Variants in KATNIP observed in about 807,000 individuals in gnomAD.
KATNIP encodes katanin-interacting protein.
Under a neutral mutation model 174.0 loss-of-function variants are expected in KATNIP, and 126 were observed. That is an observed-to-expected ratio of 0.72 (90% CI 0.63 to 0.84). The LOEUF (loss-of-function observed/expected upper bound fraction) is 0.84, where lower values mean the gene tolerates loss of function less well. Among genes scored for constraint, KATNIP ranks in the 40% least tolerant of loss-of-function variants. The pLI is 0.00. For synonymous variants in KATNIP, 810 were observed against 835.7 expected (o/e 0.97, Z 0.53); for missense variants, 1,958 against 2,109.7 (o/e 0.93, Z 1.41).
chr16:27,712,284 C>G (rs1248705609), intron 13 of KATNIP, among the ~76,000 whole-genome samples: 1 of 152,162 alleles, frequency 6.6e-6, no homozygotes, highest in Non-Finnish European at 1.5e-5. Flanking sequence ...CCCCCTTCTT[C>G]CCTGACGTGG....
chr16:27,624,667 A>G (rs1447485809), intron 3 of KATNIP, among the ~76,000 whole-genome samples: 6 of 152,014 alleles, frequency 3.9e-5, no homozygotes, highest in Admixed American at 1.3e-4. Context: ...AAAAAATACA[A>G]AAATTAGCCG....
intron 14 of KATNIP, among the ~76,000 whole-genome samples, chr16:27,732,798 C>A (rs988837794): frequency 2.0e-5 from 3 of 152,358 alleles, no homozygotes; most frequent in Middle Eastern, 3.4e-3. Context: ...TGGCCCAGAA[C>A]CCCTGGCTCC....
intron 2 of KATNIP, among the ~76,000 whole-genome samples, chr16:27,596,131 G>C (rs2075327636): frequency 6.6e-6 from 1 of 152,062 alleles, no homozygotes; most frequent in South Asian, 2.1e-4. Flanking sequence ...GCATTCCCTG[G>C]CCATGTGGGG....
chr16:27,769,769 C>A, intron 20 of KATNIP, 92 bp from the exon 21 acceptor site: 2 of 1,479,530 alleles, frequency 1.4e-6, no homozygotes, highest in South Asian at 1.2e-5. Context: ...CCATGGTGAG[C>A]ACAGCTGCCA....
At chr16:27,703,281 G>A (rs1458220500) in intron 11 of KATNIP, among the ~76,000 whole-genome samples, 1 of 152,182 alleles carries the variant, frequency 6.6e-6, no homozygotes, top group African/African-American at 2.4e-5. Flanking sequence ...TCGGCATCGA[G>A]ATCCTTTGTG....
At chr16:27,747,516 A>G (rs2081335776) in intron 15 of KATNIP, among the ~76,000 whole-genome samples, 1 of 152,134 alleles carries the variant, frequency 6.6e-6, no homozygotes, top group Non-Finnish European at 1.5e-5. Flanking sequence ...GTAGCAAGAT[A>G]GTCTTTGGCA....
chr16:27,706,144 A>AAGCTCAGTCCCACCCCCTGG (rs533885132), intron 12 of KATNIP, among the ~76,000 whole-genome samples: 1,735 of 152,136 alleles, frequency 0.011, 42 homozygotes, highest in African/African-American at 0.039. Context: ...GCACAGTGGA[A>AAGCTCAGTCCCACCCCCTGG]AGCTCAGTCC....
chr16:27,699,362 A>G (rs553816272), intron 9 of KATNIP, 172 bp from the exon 10 acceptor site: 336 of 800,872 alleles, frequency 4.2e-4, no homozygotes, highest in Non-Finnish European at 5.0e-4. Flanking sequence ...TGGGGCATCC[A>G]TCGAGCAGCA....
chr16:27,585,291 C>T (rs561143418), intron 2 of KATNIP, among the ~76,000 whole-genome samples: 2 of 148,514 alleles, frequency 1.3e-5, no homozygotes, highest in Admixed American at 1.3e-4. Context: ...CAAATACTGG[C>T]GAGGATACAG....
At chr16:27,717,339 G>A (rs2080000010) in intron 13 of KATNIP, among the ~76,000 whole-genome samples, 1 of 152,168 alleles carries the variant, frequency 6.6e-6, no homozygotes, top group South Asian at 2.1e-4. Flanking sequence ...GCTATTCAGT[G>A]TTATGTTAAT....
Position 27,769,975 on chromosome 16 carries a change from G to T in KATNIP, c.4090G>T (p.Val1364Leu), listed in dbSNP as rs773458630. Residue 1364 changes from valine to leucine, a missense_variant, in exon 21 of 28, where the codon GTG becomes TTG. Physicochemically the swap from Val to Leu is conservative, Grantham distance 32. This residue lies in a region of KATNIP where 383 missense variants were observed against 456.0 expected (regional missense o/e 0.84). Transcript: ENST00000261588. ...TGATTTTGCTCAAGAAATCCTCTTC[G>T]TGGACTACCTACGGGCTCAGCTGCT... is the stretch of plus-strand genomic sequence containing the variant. ...HFDFAQEILFVDYLRAQLLPQ... is the reference protein window; with the variant it reads ...HFDFAQEILFLDYLRAQLLPQ... 4 of 1,614,212 alleles carry T rather than the reference G, an allele frequency of 2.5e-6. No homozygotes were observed. The East Asian group carries it at 8.9e-5, about 36-fold the overall frequency.
chr16:27,698,214 G>T (rs1871533736), intron 8 of KATNIP, 114 bp from the exon 9 acceptor site: 1 of 1,078,320 alleles, frequency 9.3e-7, no homozygotes, highest in Non-Finnish European at 1.3e-6. Flanking sequence ...TGACATTTTT[G>T]GAGAGTATGG....
intron 8 of KATNIP, among the ~76,000 whole-genome samples, chr16:27,697,818 G>C (rs1427953484): frequency 6.6e-6 from 1 of 151,986 alleles, no homozygotes; most frequent in South Asian, 2.1e-4. Context: ...GTGTGTGCAT[G>C]TATGTGTGTA....
intron 1 of KATNIP, among the ~76,000 whole-genome samples, chr16:27,568,958 C>G (rs993659298): frequency 6.6e-6 from 1 of 152,124 alleles, no homozygotes; most frequent in Non-Finnish European, 1.5e-5. Flanking sequence ...CCCACCACTC[C>G]CCTCCCACCT....
At chr16:27,551,917 A>C (rs893229235) in intron 1 of KATNIP, among the ~76,000 whole-genome samples, 2 of 151,998 alleles carry the variant, frequency 1.3e-5, no homozygotes, top group Non-Finnish European at 2.9e-5. Flanking sequence ...TCATAATAAT[A>C]ATTGGCCATG....
chr16:27,750,328 T>A, intron 16 of KATNIP, 22 bp downstream of exon 16: 1 of 1,580,862 alleles, frequency 6.3e-7, no homozygotes, highest in Non-Finnish European at 8.6e-7. Context: ...CTGTAAGAAT[T>A]TTCTCAGAGC....
intron 2 of KATNIP, among the ~76,000 whole-genome samples, chr16:27,612,988 C>T (rs1442830509): frequency 6.6e-6 from 1 of 151,928 alleles, no homozygotes; most frequent in Admixed American, 6.6e-5. Context: ...TGGTGGCACA[C>T]TGGCGCACGC....
chr16:27,701,457 TCA>T (rs1373274641), intron 10 of KATNIP, 130 bp from the exon 11 acceptor site: 5 of 660,778 alleles, frequency 7.6e-6, no homozygotes, highest in Non-Finnish European at 1.3e-5. Context: ...GCTGTCACCC[TCA>T]CATTCCTGTT....
rs1354042528 is a variant in KATNIP at position 27,777,845 on chromosome 16, G to T, written c.4713-36G>T. On this transcript the variant is annotated intron_variant, in intron 26 of 27. Transcript: ENST00000261588. The surrounding 1 kb of genome is among the most constrained non-coding windows in gnomAD (Gnocchi z 4.4). ...GGATGGCTGGGACACACGGCCAGGA[G>T]CCTGATCGAATCTTGTGTTTCCTTC... is the stretch of plus-strand genomic sequence containing the variant. 1.2e-6 allele frequency: 2 copies of T among 1,613,442 alleles called. No individual in the cohort carries two copies. The highest frequency in any genetic ancestry group is 1.1e-5 in the South Asian group (1 of 91,046).
Sources: allele counts gnomAD v4.1 joint callset (sites outside exome capture counted in the v4.1 genomes callset), GRCh38; gene constraint gnomAD v4.1.1; regional missense constraint gnomAD v4.1.1; non-coding constraint Gnocchi (gnomAD v3.1); transcripts MANE v1.5; gene names NCBI Gene and HGNC (gene_info 2026-07-23, HGNC 2026-07-21).